EMC4: variants seen among roughly 807,000 people sequenced by gnomAD.
EMC4 encodes the protein ER membrane protein complex subunit 4.
Under a neutral mutation model 24.2 loss-of-function variants are expected in EMC4, and 9 were observed. The ratio of observed to expected loss-of-function variants is 0.37; its 90% CI spans 0.22 to 0.65. EMC4 has a LOEUF of 0.65. EMC4 is among the 30% of genes least tolerant of loss of function. The pLI, the probability that EMC4 is intolerant of heterozygous loss-of-function variation, is 0.59. For missense variants in EMC4, 169 were observed against 234.6 expected (o/e 0.72, Z 1.83); for synonymous variants, 86 against 81.1 (o/e 1.06, Z -0.32).
rs1272134080 is a variant in EMC4, at chr15:34,225,066, G to A, written c.-49G>A. ...AGAACGCTGGTGGGCCTGTTGTGGA[G>A]TACGCTTTGGACTGAGAAGCATCGA... is the stretch of plus-strand genomic sequence containing the variant. On this transcript the variant is annotated 5_prime_UTR_variant, in exon 1 of 5. Coordinates refer to ENST00000267750, the MANE Select transcript of EMC4 (RefSeq NM_016454.4). 2.7e-6 allele frequency: 4 copies of A among 1,468,288 alleles called. No individual in the cohort carries two copies. The highest frequency in any genetic ancestry group is 2.0e-5 in the Admixed American group (1 of 50,932). The allele number at this position is 1,468,288 out of a possible 1,614,324, so 91.0% of individuals were successfully genotyped here.
At chr15:34,227,599 G>C in intron 2 of EMC4, 94 bp from the exon 3 acceptor site, 1 of 1,363,250 alleles carries the variant, frequency 7.3e-7, no homozygotes, top group Admixed American at 1.7e-5. Flanking sequence ...GCAGGGAGTT[G>C]GGAATTCCGT....
intron 2 of EMC4, 62 bp downstream of exon 2, chr15:34,225,712 T>G (rs748622752): frequency 1.1e-5 from 14 of 1,258,140 alleles, no homozygotes; most frequent in African/African-American, 1.5e-5. Context: ...ACTCATCCTC[T>G]TCTCCTAGGT....
chr15:34,226,393 C>T (rs1027252755), intron 2 of EMC4: 1 of 153,188 alleles, frequency 6.5e-6, no homozygotes, highest in African/African-American at 2.4e-5. Flanking sequence ...TCAGGCTCAC[C>T]AGTATTGATT....
Position 34,225,527 on chromosome 15 carries a change from G to GT in EMC4, c.87-3dup, listed in dbSNP as rs1890628092. ...GTTGCAGCTTTAGTTTCTTGGTTTGGTTTTTTAGGGGTCGAAGTGACCGGG... is the reference window on the plus strand; with the variant it reads ...GTTGCAGCTTTAGTTTCTTGGTTTGGTTTTTTTAGGGGTCGAAGTGACCGGG... On this transcript the variant is annotated splice_polypyrimidine_tract_variant and intron_variant, in intron 1 of 4. Coordinates refer to ENST00000267750, the MANE Select transcript of EMC4 (RefSeq NM_016454.4). The GT allele has an allele frequency of 6.2e-7, 1 of 1,611,402 alleles. No homozygotes were observed. Among genetic ancestry groups the GT allele is most frequent in the Non-Finnish European group, 8.5e-7 (1 of 1,177,572 alleles).
At chr15:34,226,144 G>T (rs1286057494) in intron 2 of EMC4, 6 of 243,520 alleles carry the variant, frequency 2.5e-5, no homozygotes, top group Admixed American at 2.4e-4. Context: ...CATCCGCCTT[G>T]GCCTTCCAAA....
At chr15:34,225,363 A>G (rs545952920) in intron 1 of EMC4, among the ~76,000 whole-genome samples, 163 bp downstream of exon 1, 5 of 152,354 alleles carry the variant, frequency 3.3e-5, no homozygotes, top group African/African-American at 1.2e-4. Flanking sequence ...TGCTCAAACA[A>G]TGCTTACATC....
chr15:34,228,696 T>C lies in EMC4; in HGVS notation c.516+107T>C, dbSNP rs1890730850. On this transcript the variant is annotated intron_variant, in intron 4 of 4. Coordinates refer to ENST00000267750, the MANE Select transcript of EMC4 (RefSeq NM_016454.4). ...TTGGTATTTGAGTTTCTTTTTTTTT[T>C]TTTTTTTTTTTTTGAGACGGAGTAT... The C allele has an allele frequency of 5.7e-6, 6 of 1,049,052 alleles. No homozygotes were observed. In the East Asian group the frequency reaches 1.3e-4, roughly 22 times the overall value. The allele number at this position is 1,049,052 out of a possible 1,614,324, so 65.0% of individuals were successfully genotyped here.
chr15:34,225,729 A>G lies in EMC4; in HGVS notation c.201+79A>G, dbSNP rs1323495004. The G allele has an allele frequency of 3.7e-6, 4 of 1,077,232 alleles. No individual in the cohort carries two copies. The African/African-American group carries it at 6.2e-5, about 17-fold the overall frequency. The allele number at this position is 1,077,232 out of a possible 1,614,324, so 66.7% of individuals were successfully genotyped here. ...TCATCCTCTTCTCCTAGGTGGAGTTAACGTAGATAGCTCTTATCCTGAAGA... is the reference window on the plus strand; with the variant it reads ...TCATCCTCTTCTCCTAGGTGGAGTTGACGTAGATAGCTCTTATCCTGAAGA... On this transcript the variant is annotated intron_variant, in intron 2 of 4. Coordinates refer to ENST00000267750, the MANE Select transcript of EMC4 (RefSeq NM_016454.4).
At chr15:34,228,692 T>A in intron 4 of EMC4, 103 bp downstream of exon 4, 2 of 876,958 alleles carry the variant, frequency 2.3e-6, no homozygotes, top group Non-Finnish European at 3.2e-6. Flanking sequence ...GTTTCTTTTT[T>A]TTTTTTTTTT....
At chr15:34,229,565 T>G in intron 4 of EMC4, 188 bp from the exon 5 acceptor site, 1 of 548,680 alleles carries the variant, frequency 1.8e-6, no homozygotes, top group Non-Finnish European at 3.2e-6. Flanking sequence ...ACTCCTGGGC[T>G]CAAGCGATCT....
rs774326615 is a variant in EMC4 at position 34,229,878 on chromosome 15, T to TAATC, written c.*92_*95dup. The TAATC allele has an allele frequency of 4.8e-5, 58 of 1,207,506 alleles. No individual in the cohort carries two copies. In the East Asian group the frequency reaches 6.3e-4, roughly 13 times the overall value. 74.8% of individuals were successfully genotyped at this position (1,207,506 alleles called of 1,614,324 possible). A position where few individuals can be genotyped will look rare whatever the true frequency, so the allele number is the denominator to read the frequency against. Reference sequence around the variant, plus strand: ...GTGGCTCCTCAGCATACTCTTAAACTAATCACTTATGTTAAAAAGAACCAA... The same window carrying TAATC: ...GTGGCTCCTCAGCATACTCTTAAACTAATCAATCACTTATGTTAAAAAGAACCAA... On this transcript the variant is annotated 3_prime_UTR_variant, in exon 5 of 5. Transcript: ENST00000267750.
rs1279287369 is a variant in EMC4, at chr15:34,229,542, A to C, written c.517-211A>C. 12 of 508,598 alleles carry C rather than the reference A, an allele frequency of 2.4e-5. No individual in the cohort carries two copies. The East Asian group carries it at 3.9e-4, about 16-fold the overall frequency. 31.5% of individuals were successfully genotyped at this position (508,598 alleles called of 1,614,324 possible). On this transcript the variant is annotated intron_variant, in intron 4 of 4. Transcript: ENST00000267750. ...GAGACAGGGTTTTGCCATGTTGCCC[A>C]GGCTGGTCTTGAACTCCTGGGCTCA... is the stretch of plus-strand genomic sequence containing the variant.
At chr15:34,225,708 C>A (rs200947603) in intron 2 of EMC4, 58 bp downstream of exon 2, 5 of 1,291,838 alleles carry the variant, frequency 3.9e-6, no homozygotes, top group Non-Finnish European at 4.5e-6. Flanking sequence ...ACACACTCAT[C>A]CTCTTCTCCT....
chr15:34,225,726 G>A (rs986607313), intron 2 of EMC4, 76 bp downstream of exon 2: 2 of 1,148,098 alleles, frequency 1.7e-6, no homozygotes, highest in Non-Finnish European at 2.6e-6. Context: ...CCTAGGTGGA[G>A]TTAACGTAGA....
intron 3 of EMC4, chr15:34,228,125 G>A (rs1890696467): frequency 6.6e-6 from 3 of 454,086 alleles, no homozygotes; most frequent in South Asian, 2.5e-5. Context: ...AGAGGTTGCA[G>A]TGAGCCGAGA....
At chr15:34,228,635 T>C (rs747150413) in intron 4 of EMC4, 46 bp downstream of exon 4, 1 of 1,502,730 alleles carries the variant, frequency 6.7e-7, no homozygotes, top group South Asian at 1.3e-5. Context: ...TAGTATACAG[T>C]GAATAGCTGA....
chr15:34,225,711 C>T lies in EMC4; in HGVS notation c.201+61C>T, dbSNP rs1251161324. On this transcript the variant is annotated intron_variant, in intron 2 of 4. Coordinates refer to ENST00000267750, the MANE Select transcript of EMC4 (RefSeq NM_016454.4). ...CAGTCCTGAGTTACACACTCATCCT[C>T]TTCTCCTAGGTGGAGTTAACGTAGA... The T allele has an allele frequency of 4.7e-6, 6 of 1,280,250 alleles. No homozygotes were observed. In the East Asian group the frequency reaches 1.4e-4, roughly 30 times the overall value. 79.3% of individuals were successfully genotyped at this position (1,280,250 alleles called of 1,614,324 possible).
chr15:34,227,677 G>A lies in EMC4; in HGVS notation c.202-16G>A. ...GGGTAGTGATCAGAGGGTTAAAATTGTGTGTTTTGTTTTAGCGCTGCTGGG... is the reference window on the plus strand; with the variant it reads ...GGGTAGTGATCAGAGGGTTAAAATTATGTGTTTTGTTTTAGCGCTGCTGGG... On this transcript the variant is annotated splice_polypyrimidine_tract_variant and intron_variant, in intron 2 of 4. Coordinates refer to ENST00000267750, the MANE Select transcript of EMC4 (RefSeq NM_016454.4). The A allele has an allele frequency of 6.2e-7, 1 of 1,610,836 alleles. No individual in the cohort carries two copies. The highest frequency in any genetic ancestry group is 1.1e-5 in the South Asian group (1 of 91,002).
intron 1 of EMC4, 142 bp from the exon 2 acceptor site, chr15:34,225,394 G>T: frequency 1.2e-6 from 1 of 822,560 alleles, no homozygotes; most frequent in Non-Finnish European, 2.0e-6. Flanking sequence ...ATAAGTCAAA[G>T]GACTGAGGAA....
Sources: gnomAD v4.1 joint callset for allele counts (sites outside exome capture counted in the v4.1 genomes callset) on GRCh38, gnomAD v4.1.1 for gene constraint, MANE v1.5 for transcripts, NCBI Gene and HGNC (gene_info 2026-07-23, HGNC 2026-07-21) for gene names.